Variants in ALK observed in about 807,000 individuals in gnomAD.
ALK encodes ALK receptor tyrosine kinase, also known as ALK tyrosine kinase receptor.
Under a neutral mutation model 163.1 loss-of-function variants are expected in ALK, and 74 were observed. The observed-to-expected ratio is 0.45, with a 90% CI of 0.38 to 0.55. ALK has a LOEUF of 0.55. ALK is among the 20% of genes least tolerant of loss of function. ALK has a pLI of 0.00. For synonymous variants in ALK, 960 were observed against 843.2 expected, an observed-to-expected ratio of 1.14 and a Z score of -2.40; for missense variants, 2,063 against 2,105.3, an observed-to-expected ratio of 0.98 and a Z score of 0.39.
At chr2:29,593,935 C>T (rs1354080210) in intron 3 of ALK, among the ~76,000 whole-genome samples, 3 of 152,182 alleles carry the variant, frequency 2.0e-5, no homozygotes, top group South Asian at 2.1e-4. Flanking sequence ...TTAAAATATG[C>T]GAACTTACAA....
chr2:29,311,164 G>A (rs1443445849), intron 8 of ALK, among the ~76,000 whole-genome samples: 2 of 152,236 alleles, frequency 1.3e-5, no homozygotes, highest in East Asian at 3.9e-4. Context: ...CAGCACCAGG[G>A]TGAGGGTGAC....
chr2:29,318,244 T>C (rs911448465), intron 8 of ALK, 60 bp downstream of exon 8: 1 of 1,426,998 alleles, frequency 7.0e-7, no homozygotes, highest in African/African-American at 1.4e-5. Flanking sequence ...TAATCTGGGT[T>C]CCGGAAGTGA....
At chr2:29,198,115 C>T (rs971031721) in intron 26 of ALK, among the ~76,000 whole-genome samples, 4 of 152,146 alleles carry the variant, frequency 2.6e-5, no homozygotes, top group African/African-American at 9.7e-5. Flanking sequence ...ATTTAAAATA[C>T]TATAATGAAC....
chr2:29,687,713 A>C (rs1337200603), intron 3 of ALK, among the ~76,000 whole-genome samples: 1 of 152,108 alleles, frequency 6.6e-6, no homozygotes, highest in South Asian at 2.1e-4. Context: ...CCTTATGTAC[A>C]TAGTTCTTTT....
chr2:29,639,786 A>C (rs1292336754), intron 3 of ALK, among the ~76,000 whole-genome samples: 1 of 152,204 alleles, frequency 6.6e-6, no homozygotes, highest in South Asian at 2.1e-4. Context: ...TAAATCTACA[A>C]GAGACATTTC....
chr2:29,215,421 A>G (rs768624887), intron 23 of ALK, among the ~76,000 whole-genome samples: 2 of 152,150 alleles, frequency 1.3e-5, no homozygotes, highest in Non-Finnish European at 2.9e-5. Context: ...GAGACAACTG[A>G]GAGTGGATAG....
chr2:29,471,103 G>A lies in ALK; in HGVS notation c.1154+60812C>T, dbSNP rs1671337229. Among the ~76,000 whole-genome samples the A allele has an allele frequency of 2.6e-5, 4 of 152,162 alleles. No individual in the cohort carries two copies. In the South Asian group the frequency reaches 8.3e-4, roughly 32 times the overall value. On this transcript the variant is annotated intron_variant, in intron 4 of 28. Transcript: ENST00000389048. Reference sequence around the variant, plus strand: ...ATTAAGTAGGATACACAGTTAACAGGATGCAAAATTAAATACTTTTAATTA... The same window carrying A: ...ATTAAGTAGGATACACAGTTAACAGAATGCAAAATTAAATACTTTTAATTA...
At chr2:29,575,056 T>C (rs1177688542) in intron 3 of ALK, among the ~76,000 whole-genome samples, 1 of 152,210 alleles carries the variant, frequency 6.6e-6, no homozygotes, top group Non-Finnish European at 1.5e-5. Context: ...AGAGCCTCTC[T>C]AAATCAGACT....
At chr2:29,195,498 C>A (rs1006157661) in intron 28 of ALK, among the ~76,000 whole-genome samples, 1 of 151,998 alleles carries the variant, frequency 6.6e-6, no homozygotes, top group South Asian at 2.1e-4. Flanking sequence ...TTTGGGAGGC[C>A]GAGGCGGGTG....
chr2:29,467,347 T>A (rs1464448513), intron 4 of ALK, among the ~76,000 whole-genome samples: 1 of 152,040 alleles, frequency 6.6e-6, no homozygotes, highest in Non-Finnish European at 1.5e-5. Context: ...ATATTTGCTA[T>A]GTTTTTGGCA....
chr2:29,513,235 C>T (rs1328939007), intron 4 of ALK, among the ~76,000 whole-genome samples: 1 of 136,990 alleles, frequency 7.3e-6, no homozygotes, highest in Non-Finnish European at 1.6e-5. Context: ...CATCACACTA[C>T]CTGACTTCAA....
In ALK at chr2:29,246,874, G is replaced by C. The variant is rs138033796; in HGVS notation, c.2204+4231C>G. 4.9e-3 allele frequency among the ~76,000 whole-genome samples: 751 copies of C among 152,274 alleles called. 6 individuals carry two copies. The highest frequency in any genetic ancestry group is 0.018 in the African/African-American group (728 of 41,556). On this transcript the variant is annotated intron_variant, in intron 12 of 28. Coordinates refer to ENST00000389048, the MANE Select transcript of ALK (RefSeq NM_004304.5). This position sits in a 1 kb window ranked among gnomAD's most constrained non-coding sequence, Gnocchi z 4.3. ...ACTTCCACCCTCATGCTTTCACCAG[G>C]GGGAGCGAGAGGCCTTTTGGGGGGT...
At chr2:29,334,171 C>T (rs1423542441) in intron 5 of ALK, among the ~76,000 whole-genome samples, 1 of 152,162 alleles carries the variant, frequency 6.6e-6, no homozygotes, top group Non-Finnish European at 1.5e-5. Context: ...CCCTTGGGTA[C>T]ATTACTTCTT....
At chr2:29,903,820 A>G (rs1302104447) in intron 1 of ALK, among the ~76,000 whole-genome samples, 1 of 152,192 alleles carries the variant, frequency 6.6e-6, no homozygotes, top group Non-Finnish European at 1.5e-5. Context: ...ATGATTTCTT[A>G]TTACTGCTTT....
intron 3 of ALK, among the ~76,000 whole-genome samples, chr2:29,608,633 T>C (rs1275822303): frequency 2.6e-5 from 4 of 152,214 alleles, no homozygotes; most frequent in African/African-American, 9.6e-5. Flanking sequence ...TGACTTTGAA[T>C]GGACGATGCT....
chr2:29,583,042 G>GTTTTTTTTT (rs34611118), intron 3 of ALK, among the ~76,000 whole-genome samples: 8 of 143,632 alleles, frequency 5.6e-5, no homozygotes, highest in East Asian at 2.1e-4. Flanking sequence ...TTTGTTTTTT[G>GTTTTTTTTT]TTTTTTTGTT....
chr2:29,541,339 C>G (rs1310378521), intron 3 of ALK, among the ~76,000 whole-genome samples: 1 of 152,236 alleles, frequency 6.6e-6, no homozygotes, highest in Non-Finnish European at 1.5e-5. Flanking sequence ...GAGTCTTGCT[C>G]TGGAGTGCAG....
At chr2:29,908,826 T>C (rs1253141257) in intron 1 of ALK, among the ~76,000 whole-genome samples, 2 of 152,256 alleles carry the variant, frequency 1.3e-5, no homozygotes, top group Non-Finnish European at 2.9e-5. Context: ...AGCATTCAAG[T>C]GCTGCCTTTT....
chr2:29,393,414 C>T (rs1035572077), intron 4 of ALK, among the ~76,000 whole-genome samples: 1 of 152,170 alleles, frequency 6.6e-6, no homozygotes, highest in Non-Finnish European at 1.5e-5. Flanking sequence ...GTTATTCTCT[C>T]CCTGCTGCCT....
Sources: gnomAD v4.1 joint callset for allele counts (sites outside exome capture counted in the v4.1 genomes callset) on GRCh38, gnomAD v4.1.1 for gene constraint, Gnocchi (gnomAD v3.1) non-coding constraint, MANE v1.5 for transcripts, NCBI Gene and HGNC (gene_info 2026-07-23, HGNC 2026-07-21) for gene names.